MIPOL1: variants seen among roughly 807,000 people sequenced by gnomAD.
The protein encoded by MIPOL1 is mirror-image polydactyly 1.
MIPOL1 carries 57 observed loss-of-function variants against 60.9 expected under a neutral mutation model. The ratio of observed to expected loss-of-function variants is 0.94; its 90% CI spans 0.76 to 1.17. MIPOL1 has a LOEUF of 1.17. Among genes scored for constraint, MIPOL1 ranks in the 50% most tolerant of loss-of-function variants. The pLI is 0.00. For synonymous variants in MIPOL1, 179 were observed against 168.8 expected (o/e 1.06, Z -0.47); for missense variants, 551 against 511.6 (o/e 1.08, Z -0.74).
intron 7 of MIPOL1, among the ~76,000 whole-genome samples, chr14:37,293,911 A>G (rs542524294): frequency 4.3e-4 from 66 of 152,206 alleles, no homozygotes; most frequent in Non-Finnish European, 6.5e-4. Flanking sequence ...AAAGGCAGCA[A>G]TAACCTCTGC....
chr14:37,492,137 C>T (rs1450692788), intron 11 of MIPOL1, among the ~76,000 whole-genome samples: 1 of 152,190 alleles, frequency 6.6e-6, no homozygotes, highest in Non-Finnish European at 1.5e-5. Flanking sequence ...CCACCATGCT[C>T]AGCTTCAGCT....
chr14:37,432,164 C>G (rs2094082636), intron 11 of MIPOL1, among the ~76,000 whole-genome samples: 1 of 152,152 alleles, frequency 6.6e-6, no homozygotes, highest in South Asian at 2.1e-4. Context: ...ATTTAAGTAA[C>G]AGCTATTCTA....
chr14:37,438,729 A>G (rs2094199350), intron 11 of MIPOL1, among the ~76,000 whole-genome samples: 1 of 152,230 alleles, frequency 6.6e-6, no homozygotes. Context: ...TCTGTGTTCA[A>G]CCAAACTGCA....
At chr14:37,337,356 A>ATTTT (rs33972471) in intron 9 of MIPOL1, among the ~76,000 whole-genome samples, 8 of 30,058 alleles carry the variant, frequency 2.7e-4, no homozygotes, top group African/African-American at 1.1e-3. Context: ...ATATATATAT[A>ATTTT]TTTTTTTTTT....
At chr14:37,240,409 T>C (rs1040695854) in intron 1 of MIPOL1, 2 of 152,224 alleles carry the variant, frequency 1.3e-5, no homozygotes, top group South Asian at 2.1e-4. Flanking sequence ...TAGATAAATT[T>C]AGCTTACTCT....
intron 10 of MIPOL1, among the ~76,000 whole-genome samples, chr14:37,412,943 A>T (rs2093703323): frequency 1.3e-5 from 2 of 152,128 alleles, no homozygotes; most frequent in Non-Finnish European, 2.9e-5. Context: ...TGAAGGATTG[A>T]TGTAGATTTG....
intron 3 of MIPOL1, among the ~76,000 whole-genome samples, chr14:37,248,787 A>C (rs1973606842): frequency 6.6e-6 from 1 of 152,162 alleles, no homozygotes; most frequent in Non-Finnish European, 1.5e-5. Context: ...AGAAAGACAT[A>C]GATCAGAAGA....
At chr14:37,276,087 GTTT>G (rs2083637014) in intron 6 of MIPOL1, among the ~76,000 whole-genome samples, 1 of 150,976 alleles carries the variant, frequency 6.6e-6, no homozygotes, top group South Asian at 2.1e-4. Flanking sequence ...TAAGTCTTGT[GTTT>G]TTAAGTCTCT....
chr14:37,226,603 G>A (rs968980290), intron 1 of MIPOL1, among the ~76,000 whole-genome samples: 1 of 152,128 alleles, frequency 6.6e-6, no homozygotes, highest in African/African-American at 2.4e-5. Context: ...GGGAATTATC[G>A]GAGCTACAAT....
chr14:37,308,727 T>TA (rs2153434339), intron 9 of MIPOL1, among the ~76,000 whole-genome samples: 1 of 152,282 alleles, frequency 6.6e-6, no homozygotes, highest in South Asian at 2.1e-4. Context: ...AAATAAAATT[T>TA]AATGCAGTCT....
intron 10 of MIPOL1, among the ~76,000 whole-genome samples, chr14:37,413,245 A>G (rs1029642649): frequency 6.6e-6 from 1 of 152,182 alleles, no homozygotes; most frequent in Non-Finnish European, 1.5e-5. Context: ...TTATTTTAAT[A>G]GTATTAAATA....
intron 1 of MIPOL1, among the ~76,000 whole-genome samples, chr14:37,241,975 GTCAA>G (rs72131350): frequency 0.39 from 59,005 of 151,320 alleles, 13,663 homozygotes; most frequent in Non-Finnish European, 0.52. Context: ...CAAGCAAGCA[GTCAA>G]TCAATCATAA....
At chr14:37,273,162 C>T (rs2083417201) in intron 6 of MIPOL1, among the ~76,000 whole-genome samples, 2 of 150,720 alleles carry the variant, frequency 1.3e-5, no homozygotes, top group African/African-American at 4.9e-5. Flanking sequence ...AGAAAAACTT[C>T]ATAACTATTA....
chr14:37,214,582 A>C (rs1388350803), intron 1 of MIPOL1, among the ~76,000 whole-genome samples: 1 of 152,180 alleles, frequency 6.6e-6, no homozygotes, highest in Non-Finnish European at 1.5e-5. Flanking sequence ...ACTATCATTA[A>C]TCATTAGTTT....
intron 6 of MIPOL1, among the ~76,000 whole-genome samples, chr14:37,284,375 A>G (rs1032991953): frequency 6.6e-6 from 1 of 151,986 alleles, no homozygotes; most frequent in African/African-American, 2.4e-5. Flanking sequence ...ACTGAGTCTC[A>G]CACTGTTGCC....
At chr14:37,393,596 C>A (rs918775994) in intron 10 of MIPOL1, among the ~76,000 whole-genome samples, 2 of 151,640 alleles carry the variant, frequency 1.3e-5, no homozygotes, top group African/African-American at 4.8e-5. Context: ...AAATTACTTA[C>A]CTTTATTGTG....
chr14:37,404,148 T>A (rs2093544524), intron 10 of MIPOL1, among the ~76,000 whole-genome samples: 1 of 152,242 alleles, frequency 6.6e-6, no homozygotes, highest in African/African-American at 2.4e-5. Context: ...GAAACTTGAA[T>A]ATTATATTTC....
chr14:37,478,548 G>C (rs1480156604), intron 11 of MIPOL1, among the ~76,000 whole-genome samples: 2 of 151,958 alleles, frequency 1.3e-5, no homozygotes, highest in Non-Finnish European at 2.9e-5. Context: ...TTAGCAAAAT[G>C]GCAGTAGTCT....
chr14:37,226,558 C>T (rs771538696), intron 1 of MIPOL1, among the ~76,000 whole-genome samples: 1 of 152,184 alleles, frequency 6.6e-6, no homozygotes, highest in Non-Finnish European at 1.5e-5. Context: ...CCCCACGATT[C>T]GATTTTCTCC....
Sources: allele counts gnomAD v4.1 joint callset (sites outside exome capture counted in the v4.1 genomes callset), GRCh38; gene constraint gnomAD v4.1.1; transcripts MANE v1.5; gene names NCBI Gene and HGNC (gene_info 2026-07-23, HGNC 2026-07-21).